Variants in S100PBP observed in about 807,000 individuals in gnomAD.
S100PBP encodes the protein S100P binding protein, also known as S100P-binding protein.
S100PBP carries 15 observed loss-of-function variants against 39.9 expected under a neutral mutation model. That is an observed-to-expected ratio of 0.38 (90% CI 0.25 to 0.58). The LOEUF (loss-of-function observed/expected upper bound fraction) is 0.58, where lower values mean the gene tolerates loss of function less well. S100PBP is among the 20% of genes least tolerant of loss of function. The pLI is 0.70. For missense variants in S100PBP, 504 were observed against 487.3 expected (o/e 1.03, Z -0.32); for synonymous variants, 178 against 180.3 (o/e 0.99, Z 0.10).
At chr1:32,842,236 T>TATATATACACAC (rs372174677) in intron 5 of S100PBP, among the ~76,000 whole-genome samples, 343 of 80,838 alleles carry the variant, frequency 4.2e-3, no homozygotes, top group African/African-American at 9.4e-3. Context: ...TATATATATA[T>TATATATACACAC]ACACACACAC....
At chr1:32,816,740 G>A (rs1388853322), upstream of S100PBP, 1 of 175,618 alleles carries the variant, frequency 5.7e-6, no homozygotes, top group Admixed American at 5.7e-5. Context: ...CAGTTTGGAG[G>A]TCACTTCCTC....
At chr1:32,848,420 C>CT (rs1390859147) in intron 5 of S100PBP, among the ~76,000 whole-genome samples, 1 of 152,200 alleles carries the variant, frequency 6.6e-6, no homozygotes, top group African/African-American at 2.4e-5. Flanking sequence ...TCTCAAGTAA[C>CT]TGTTTTTCCT....
intron 1 of S100PBP, among the ~76,000 whole-genome samples, chr1:32,822,113 G>T (rs949462019): frequency 1.3e-5 from 2 of 152,086 alleles, no homozygotes; most frequent in African/African-American, 4.8e-5. Flanking sequence ...TATATTTTAT[G>T]ATAAGGAATT....
At chr1:32,853,375 G>A (rs970891191) in intron 6 of S100PBP, among the ~76,000 whole-genome samples, 1 of 151,978 alleles carries the variant, frequency 6.6e-6, no homozygotes. Context: ...AGGAGGCTGA[G>A]GCAGGACAGT....
intron 5 of S100PBP, among the ~76,000 whole-genome samples, chr1:32,844,825 CTA>C (rs1023150425): frequency 1.3e-5 from 2 of 149,952 alleles, no homozygotes; most frequent in Admixed American, 6.7e-5. Context: ...CTCTATATAT[CTA>C]TATATATATA....
chr1:32,854,938 A>G lies in S100PBP; in HGVS notation c.1113-986A>G, dbSNP rs559091375. Among the ~76,000 whole-genome samples the G allele has an allele frequency of 2.6e-4, 40 of 152,330 alleles. 1 individual carries two copies. The highest frequency in any genetic ancestry group is 1.4e-3 in the Admixed American group (21 of 15,302). ...AATCCAGTTCTGCTTACTCTACTCT[A>G]TGACCTTGGGTAAATTATTAACCTG... On this transcript the variant is annotated intron_variant, in intron 6 of 6. Transcript: ENST00000373475.
rs550191544 is a variant in S100PBP, at chr1:32,822,229, TTGGGGTTG to T, written c.-119-3083_-119-3076del. Among the ~76,000 whole-genome samples, 10 of 152,316 alleles carry T rather than the reference TTGGGGTTG, an allele frequency of 6.6e-5. No homozygotes were observed. In the East Asian group the frequency reaches 1.9e-3, roughly 29 times the overall value. On this transcript the variant is annotated intron_variant, in intron 1 of 6. Transcript: ENST00000373475. ...AAGATTAGCTATGAGTTGATAGTCA[TTGGGGTTG>T]AGTGATGGGTATGTGGTGGTTCATT... is the stretch of plus-strand genomic sequence containing the variant.
At chr1:32,830,612 C>A (rs1025960960) in intron 5 of S100PBP, among the ~76,000 whole-genome samples, 5 of 152,194 alleles carry the variant, frequency 3.3e-5, no homozygotes, top group African/African-American at 1.2e-4. Context: ...TTCTCCAGCT[C>A]TCAAGAGAGT....
intron 5 of S100PBP, chr1:32,842,787 G>A (rs1413310075): frequency 6.6e-6 from 1 of 151,916 alleles, no homozygotes; most frequent in East Asian, 1.9e-4. Flanking sequence ...ATACAGACAG[G>A]GTTTCACCAA....
intron 5 of S100PBP, 95 bp from the exon 6 acceptor site, chr1:32,852,984 G>C: frequency 1.3e-6 from 1 of 799,946 alleles, no homozygotes; most frequent in Admixed American, 1.9e-5. Context: ...GTTGAGAACA[G>C]TGCCTGTTTT....
chr1:32,816,923 G>A, upstream of S100PBP: 1 of 592,246 alleles, frequency 1.7e-6, no homozygotes, highest in South Asian at 2.0e-5. Flanking sequence ...TAATAGGGGG[G>A]TGGAATGGGA....
chr1:32,816,903 G>A (rs192889406), upstream of S100PBP: 1 of 575,920 alleles, frequency 1.7e-6, no homozygotes, highest in Admixed American at 3.0e-5. Context: ...TAAGCACCAC[G>A]TCTGGCACTT....
chr1:32,825,709 T>C (rs1198920817), intron 2 of S100PBP, among the ~76,000 whole-genome samples: 5 of 152,214 alleles, frequency 3.3e-5, no homozygotes, highest in African/African-American at 1.2e-4. Context: ...CTCCAGGATT[T>C]GGCTACTTTG....
chr1:32,825,574 T>C (rs1473139995), intron 2 of S100PBP, 145 bp downstream of exon 2: 1 of 152,754 alleles, frequency 6.5e-6, no homozygotes, highest in Non-Finnish European at 1.5e-5. Flanking sequence ...ATGTTGTAGA[T>C]ATCATTCCAT....
At chr1:32,823,270 C>CCG (rs75609936) in intron 1 of S100PBP, among the ~76,000 whole-genome samples, 1 of 152,208 alleles carries the variant, frequency 6.6e-6, no homozygotes, top group Non-Finnish European at 1.5e-5. Flanking sequence ...CTGTGATAAC[C>CCG]TGTCTGACAA....
intron 5 of S100PBP, among the ~76,000 whole-genome samples, chr1:32,847,923 A>T (rs1320462885): frequency 6.6e-6 from 1 of 152,100 alleles, no homozygotes; most frequent in Non-Finnish European, 1.5e-5. Flanking sequence ...GAGTTTAAGG[A>T]TTTACAGGAA....
chr1:32,827,730 C>T (rs1639395691), intron 3 of S100PBP, among the ~76,000 whole-genome samples: 1 of 151,268 alleles, frequency 6.6e-6, no homozygotes, highest in Admixed American at 6.6e-5. Context: ...ATCCACCCGC[C>T]TTGGCCTCCC....
rs948178113 is a variant in S100PBP, at chr1:32,858,409, T to C, written c.*2371T>C. On this transcript the variant is annotated 3_prime_UTR_variant, in exon 7 of 7. Coordinates refer to ENST00000373475, the MANE Select transcript of S100PBP (RefSeq NM_022753.4). ...GGAGGAGAGAGCTGTTCTCTAGTGG[T>C]TAACATGGTATTCTTTAAGAAGAAA... 3 of 152,644 alleles carry C rather than the reference T, an allele frequency of 2.0e-5. No individual in the cohort carries two copies. Among genetic ancestry groups the C allele is most frequent in the Non-Finnish European group, 2.9e-5 (2 of 68,042 alleles). The allele number at this position is 152,644 out of a possible 1,614,324, so 9.5% of individuals were successfully genotyped here. A position where few individuals can be genotyped will look rare whatever the true frequency, so the allele number is the denominator to read the frequency against.
intron 5 of S100PBP, among the ~76,000 whole-genome samples, chr1:32,843,879 T>G (rs567901948): frequency 6.6e-6 from 1 of 152,196 alleles, no homozygotes; most frequent in South Asian, 2.1e-4. Flanking sequence ...TGAGCCACCA[T>G]GCCCGGCTGA....
Sources: allele counts gnomAD v4.1 joint callset (sites outside exome capture counted in the v4.1 genomes callset), GRCh38; gene constraint gnomAD v4.1.1; transcripts MANE v1.5; gene names NCBI Gene and HGNC (gene_info 2026-07-23, HGNC 2026-07-21).